The following MYO3B variants were observed in gnomAD, a reference collection of about 807,000 sequenced individuals.
MYO3B encodes the protein myosin IIIB, also known as myosin-IIIb.
A neutral mutation model predicts 174.6 loss-of-function variants in MYO3B; 156 were observed. The ratio of observed to expected loss-of-function variants is 0.89; its 90% CI spans 0.78 to 1.02. The LOEUF (loss-of-function observed/expected upper bound fraction) is 1.02, where lower values mean the gene tolerates loss of function less well. Ranked by LOEUF, MYO3B falls within the 50% of genes least tolerant of loss-of-function variation. The probability of loss-of-function intolerance (pLI) is 0.00; values close to 1 mark genes in which losing one functional copy is unlikely to be tolerated. For synonymous variants in MYO3B, 563 were observed against 569.1 expected, an observed-to-expected ratio of 0.99 and a Z score of 0.15; for missense variants, 1,632 against 1,639.4, an observed-to-expected ratio of 1.00 and a Z score of 0.08.
At chr2:170,330,986 A>T (rs1414274307) in intron 7 of MYO3B, among the ~76,000 whole-genome samples, 1 of 152,212 alleles carries the variant, frequency 6.6e-6, no homozygotes, top group African/African-American at 2.4e-5. Context: ...CAAAAAATTT[A>T]CCGAGTATTT....
At chr2:170,532,689 G>C (rs1181786297) in intron 30 of MYO3B, among the ~76,000 whole-genome samples, 2 of 151,972 alleles carry the variant, frequency 1.3e-5, no homozygotes, top group African/African-American at 4.8e-5. Context: ...GGTGGCAGAT[G>C]CCTGTAATCC....
At chr2:170,441,227 C>T (rs2094798646) in intron 22 of MYO3B, among the ~76,000 whole-genome samples, 1 of 152,192 alleles carries the variant, frequency 6.6e-6, no homozygotes, top group Admixed American at 6.5e-5. Context: ...ATTAATTTTA[C>T]TTCTTCCTTT....
At chr2:170,537,690 T>C (rs1689811182) in intron 30 of MYO3B, among the ~76,000 whole-genome samples, 1 of 151,984 alleles carries the variant, frequency 6.6e-6, no homozygotes, top group Admixed American at 6.5e-5. Context: ...CAAGGAATCT[T>C]CCCACCTCAA....
intron 17 of MYO3B, 50 bp downstream of exon 17, chr2:170,400,364 T>C: frequency 1.9e-6 from 3 of 1,605,008 alleles, no homozygotes; most frequent in Non-Finnish European, 2.6e-6. Context: ...CACGTGCTTC[T>C]TTAGGCTCTG....
chr2:170,344,499 A>G (rs1277368932), intron 8 of MYO3B: 1 of 151,174 alleles, frequency 6.6e-6, no homozygotes, highest in Non-Finnish European at 1.5e-5. Context: ...CGGGGCGGGA[A>G]GGCTTTCTGG....
At chr2:170,464,457 A>T (rs1466774847) in intron 24 of MYO3B, among the ~76,000 whole-genome samples, 4 of 151,918 alleles carry the variant, frequency 2.6e-5, no homozygotes, top group African/African-American at 9.7e-5. Flanking sequence ...GGCAGGGATG[A>T]GAGGTCAGGT....
At chr2:170,301,485 T>A in intron 7 of MYO3B, among the ~76,000 whole-genome samples, 1 of 152,130 alleles carries the variant, frequency 6.6e-6, no homozygotes, top group South Asian at 2.1e-4. Flanking sequence ...ATCAAAATAA[T>A]GTGGGATGTA....
chr2:170,594,827 GCACACACACACACA>G (rs3047151), intron 32 of MYO3B, among the ~76,000 whole-genome samples: 87 of 135,186 alleles, frequency 6.4e-4, no homozygotes, highest in Middle Eastern at 3.9e-3. Context: ...CCCAGCGCGC[GCACACACACACACA>G]CACACACACA....
At chr2:170,347,608 TA>T (rs2094026537) in intron 8 of MYO3B, among the ~76,000 whole-genome samples, 1 of 151,378 alleles carries the variant, frequency 6.6e-6, no homozygotes, top group Non-Finnish European at 1.5e-5. Flanking sequence ...CGAAAAAAAA[TA>T]AAAAGAAAAT....
At chr2:170,214,521 G>A (rs2092807018) in intron 4 of MYO3B, 38 bp downstream of exon 4, 1 of 1,588,564 alleles carries the variant, frequency 6.3e-7, no homozygotes, top group African/African-American at 1.3e-5. Flanking sequence ...ACAGCAGATG[G>A]GATGGTTTGT....
intron 32 of MYO3B, among the ~76,000 whole-genome samples, chr2:170,620,974 C>T (rs192615319): frequency 5.9e-5 from 9 of 151,954 alleles, no homozygotes; most frequent in South Asian, 2.1e-4. Context: ...CTGCAGCCTC[C>T]GCCTCCCGGG....
chr2:170,317,831 T>C (rs1266729826), intron 7 of MYO3B, among the ~76,000 whole-genome samples: 7 of 152,216 alleles, frequency 4.6e-5, no homozygotes, highest in Non-Finnish European at 2.9e-5. Flanking sequence ...GGTAACCAGA[T>C]GCTTTACTGC....
chr2:170,424,921 T>G (rs2094648887), intron 22 of MYO3B, among the ~76,000 whole-genome samples: 1 of 152,214 alleles, frequency 6.6e-6, no homozygotes, highest in African/African-American at 2.4e-5. Context: ...TCCTTCTCAT[T>G]CATAGAAAAG....
At chr2:170,499,967 CTTCT>C (rs1380333480) in intron 27 of MYO3B, among the ~76,000 whole-genome samples, 159 bp downstream of exon 27, 1 of 141,018 alleles carries the variant, frequency 7.1e-6, no homozygotes, top group African/African-American at 2.6e-5. Context: ...TCCTTCCTTC[CTTCT>C]TTCCTTCCTT....
chr2:170,369,134 C>A, intron 8 of MYO3B, 88 bp from the exon 9 acceptor site: 1 of 1,243,626 alleles, frequency 8.0e-7, no homozygotes, highest in Non-Finnish European at 1.1e-6. Context: ...TATAAATGAG[C>A]TTTTACCTTC....
At chr2:170,537,448 ATTTTTTTTTTTTTTTTTT>A (rs559086883) in intron 30 of MYO3B, among the ~76,000 whole-genome samples, 9 of 54,800 alleles carry the variant, frequency 1.6e-4, no homozygotes, top group East Asian at 7.2e-4. Flanking sequence ...GAGCTCTTTG[ATTTTTTTTTTTTTTTTTT>A]TTTTTTTTTT....
intron 7 of MYO3B, among the ~76,000 whole-genome samples, chr2:170,283,745 G>T (rs969528004): frequency 3.3e-5 from 5 of 152,192 alleles, no homozygotes; most frequent in Non-Finnish European, 7.3e-5. Flanking sequence ...GAAGGCTAGA[G>T]GTGAGCAGTA....
At chr2:170,563,031 T>TACAC (rs56861648) in intron 32 of MYO3B, among the ~76,000 whole-genome samples, 18,022 of 138,222 alleles carry the variant, frequency 0.13, 1,379 homozygotes, top group African/African-American at 0.22. Flanking sequence ...AAAACATGCA[T>TACAC]ACACACACAC....
chr2:170,638,910 C>T (rs957731729), intron 32 of MYO3B, among the ~76,000 whole-genome samples: 7 of 152,118 alleles, frequency 4.6e-5, no homozygotes, highest in African/African-American at 1.7e-4. Context: ...CTATGTGTGC[C>T]GGGGTCTTCT....
Sources: allele counts gnomAD v4.1 joint callset (sites outside exome capture counted in the v4.1 genomes callset), GRCh38; gene constraint gnomAD v4.1.1; transcripts MANE v1.5; gene names NCBI Gene and HGNC (gene_info 2026-07-23, HGNC 2026-07-21).